The following KCNQ3 variants were observed in gnomAD, a reference collection of about 807,000 sequenced individuals.
The protein encoded by KCNQ3 is potassium voltage-gated channel subfamily KQT member 3.
A neutral mutation model predicts 92.5 loss-of-function variants in KCNQ3; 30 were observed. The observed-to-expected ratio is 0.32, with a 90% CI of 0.24 to 0.44. KCNQ3 has a LOEUF of 0.44. KCNQ3 is among the 20% of genes least tolerant of loss of function. KCNQ3 has a pLI of 1.00. For synonymous variants in KCNQ3, 450 were observed against 468.8 expected (o/e 0.96, Z 0.52); for missense variants, 913 against 1,140.3 (o/e 0.80, Z 2.87).
intron 1 of KCNQ3, among the ~76,000 whole-genome samples, chr8:132,247,630 A>C (rs1815223601): frequency 6.6e-6 from 1 of 151,932 alleles, no homozygotes; most frequent in African/African-American, 2.4e-5. Context: ...CCCCATCTCT[A>C]CTAAAAATAT....
chr8:132,179,989 C>A (rs2130155239), intron 4 of KCNQ3, among the ~76,000 whole-genome samples, 168 bp downstream of exon 4: 1 of 152,332 alleles, frequency 6.6e-6, no homozygotes, highest in African/African-American at 2.4e-5. Context: ...CTGCCCCTAC[C>A]CCAGCCCCGC....
chr8:132,140,882 A>T, intron 10 of KCNQ3: 1 of 540,248 alleles, frequency 1.9e-6, no homozygotes, highest in Non-Finnish European at 3.3e-6. Context: ...TTAGAAACCA[A>T]GGTGACAGGT....
intron 1 of KCNQ3, among the ~76,000 whole-genome samples, chr8:132,187,704 G>A (rs377683349): frequency 1.1e-5 from 1 of 91,032 alleles, no homozygotes; most frequent in South Asian, 3.0e-4. Context: ...TGATGATAGT[G>A]GTGGTGGTGG....
At chr8:132,246,909 A>C (rs1215744378) in intron 1 of KCNQ3, among the ~76,000 whole-genome samples, 1 of 152,234 alleles carries the variant, frequency 6.6e-6, no homozygotes, top group Non-Finnish European at 1.5e-5. Flanking sequence ...TTCATAAAAT[A>C]GGGAGAATAC....
intron 1 of KCNQ3, among the ~76,000 whole-genome samples, chr8:132,231,386 G>A (rs1402758032): frequency 6.6e-6 from 1 of 152,150 alleles, no homozygotes; most frequent in Non-Finnish European, 1.5e-5. Context: ...CTCTGTTAAG[G>A]ACTGAATTGT....
intron 1 of KCNQ3, among the ~76,000 whole-genome samples, chr8:132,393,999 T>C (rs1487472929): frequency 1.3e-5 from 2 of 152,206 alleles, no homozygotes; most frequent in Admixed American, 6.5e-5. Context: ...CTGTGCTCAG[T>C]GTGATAAAGC....
chr8:132,230,304 C>T (rs935180244), intron 1 of KCNQ3, among the ~76,000 whole-genome samples: 2 of 152,040 alleles, frequency 1.3e-5, no homozygotes, highest in Non-Finnish European at 2.9e-5. Context: ...AGGCTCCTTA[C>T]CTTCCAAGAT....
intron 1 of KCNQ3, among the ~76,000 whole-genome samples, chr8:132,280,376 GC>G (rs1816475545): frequency 6.6e-6 from 1 of 152,180 alleles, no homozygotes; most frequent in Non-Finnish European, 1.5e-5. Context: ...GCCTTAGGGA[GC>G]TTTTACTCAC....
chr8:132,283,295 C>T (rs1273098015), intron 1 of KCNQ3, among the ~76,000 whole-genome samples: 4 of 152,024 alleles, frequency 2.6e-5, no homozygotes, highest in Non-Finnish European at 4.4e-5. Context: ...GCATATAGTC[C>T]AGTATCAGGG....
At chr8:132,144,702 C>T (rs773843182) in intron 9 of KCNQ3, among the ~76,000 whole-genome samples, 2 of 152,150 alleles carry the variant, frequency 1.3e-5, no homozygotes, top group African/African-American at 2.4e-5. Context: ...TGTTCAACTC[C>T]GTGTAGTTTC....
Position 132,480,459 on chromosome 8 carries a change from GC to G in KCNQ3, c.73del (p.Ala25ArgfsTer69). On this transcript the variant is annotated frameshift_variant, in exon 1 of 15. Coordinates refer to ENST00000388996, the MANE Select transcript of KCNQ3 (RefSeq NM_004519.4). LOFTEE classifies it high-confidence loss of function. ...CGCGTCCCCTCCGGCTGGGTTAGCC[GC>G]CCCGCCGCCTCCGCCGCCCCCGTCG... ...GGDGGGGGGG[A>X]ANPAGGDAAA... 5 of 1,282,374 alleles carry G rather than the reference GC, an allele frequency of 3.9e-6. No homozygotes were observed. Among genetic ancestry groups the G allele is most frequent in the Non-Finnish European group, 4.9e-6 (5 of 1,019,108 alleles). 79.4% of individuals were successfully genotyped at this position (1,282,374 alleles called of 1,614,324 possible).
At chr8:132,234,844 C>T (rs1437290225) in intron 1 of KCNQ3, among the ~76,000 whole-genome samples, 1 of 152,196 alleles carries the variant, frequency 6.6e-6, no homozygotes, top group Non-Finnish European at 1.5e-5. Context: ...TCCTCTCCAT[C>T]ACCACGGCTG....
intron 1 of KCNQ3, among the ~76,000 whole-genome samples, chr8:132,288,185 T>C (rs144557226): frequency 6.6e-6 from 1 of 152,330 alleles, no homozygotes; most frequent in East Asian, 1.9e-4. Flanking sequence ...CAGTGTAAAA[T>C]ATATGGATAT....
intron 1 of KCNQ3, among the ~76,000 whole-genome samples, chr8:132,227,170 C>A (rs551965372): frequency 7.7e-4 from 115 of 150,316 alleles, no homozygotes; most frequent in African/African-American, 2.8e-3. Context: ...TCAACTGATT[C>A]TCCTGGCTCA....
At chr8:132,399,949 T>A (rs1210342748) in intron 1 of KCNQ3, among the ~76,000 whole-genome samples, 1 of 152,148 alleles carries the variant, frequency 6.6e-6, no homozygotes, top group Non-Finnish European at 1.5e-5. Flanking sequence ...GGATGATCTT[T>A]ACATCAGGTT....
At chr8:132,194,097 C>A (rs1352699583) in intron 1 of KCNQ3, among the ~76,000 whole-genome samples, 1 of 152,198 alleles carries the variant, frequency 6.6e-6, no homozygotes, top group African/African-American at 2.4e-5. Flanking sequence ...CTCAAAATGT[C>A]CTAGAAGGTA....
chr8:132,300,811 C>G (rs1336615161), intron 1 of KCNQ3, among the ~76,000 whole-genome samples: 1 of 152,104 alleles, frequency 6.6e-6, no homozygotes, highest in Non-Finnish European at 1.5e-5. Context: ...TTCCATGACC[C>G]CTTGTGGGCT....
intron 9 of KCNQ3, 87 bp from the exon 10 acceptor site, chr8:132,141,418 T>A (rs1245162825): frequency 8.6e-7 from 1 of 1,169,364 alleles, no homozygotes; most frequent in East Asian, 2.4e-5. Flanking sequence ...TCACACATTC[T>A]CCTCCAAGGA....
At chr8:132,332,941 T>C (rs1222944386) in intron 1 of KCNQ3, among the ~76,000 whole-genome samples, 1 of 152,162 alleles carries the variant, frequency 6.6e-6, no homozygotes, top group Non-Finnish European at 1.5e-5. Flanking sequence ...TGTGAGCACC[T>C]TGAGTTCTGG....
Sources: allele counts gnomAD v4.1 joint callset (sites outside exome capture counted in the v4.1 genomes callset), GRCh38; gene constraint gnomAD v4.1.1; transcripts MANE v1.5; gene names NCBI Gene and HGNC (gene_info 2026-07-23, HGNC 2026-07-21).